ABR: variants seen among roughly 807,000 people sequenced by gnomAD.
ABR encodes the protein active breakpoint cluster region-related protein.
A neutral mutation model predicts 107.2 loss-of-function variants in ABR; 35 were observed. The observed-to-expected ratio is 0.33, with a 90% CI of 0.25 to 0.43. The LOEUF (loss-of-function observed/expected upper bound fraction) is 0.43. ABR is among the 20% of genes least tolerant of loss of function. The pLI is 1.00. For synonymous variants in ABR, 498 were observed against 462.0 expected, an observed-to-expected ratio of 1.08 and a Z score of -1.00; for missense variants, 815 against 1,115.2, an observed-to-expected ratio of 0.73 and a Z score of 3.83.
rs541610694 is a variant in ABR at position 1,193,749 on chromosome 17, G to A, written c.838+35044C>T. 7.2e-5 allele frequency among the ~76,000 whole-genome samples: 11 copies of A among 152,226 alleles called. No individual in the cohort carries two copies. The East Asian group carries it at 1.6e-3, about 21-fold the overall frequency. On this transcript the variant is annotated intron_variant, in intron 1 of 22. Coordinates refer to the ABR transcript ENST00000574139. ...CCCAGGCTGGAGTGTGGAGTGCAGT[G>A]GCACAATCTCGGCTCACTGCATCCT...
intron 1 of ABR, among the ~76,000 whole-genome samples, chr17:1,211,915 T>C (rs948334125): frequency 6.6e-6 from 1 of 151,850 alleles, no homozygotes; most frequent in African/African-American, 2.4e-5. Flanking sequence ...ACCCCGTCTC[T>C]ACTAAAAATA....
intron 2 of ABR, among the ~76,000 whole-genome samples, chr17:1,107,186 G>A (rs375897535): frequency 3.9e-5 from 6 of 152,224 alleles, no homozygotes; most frequent in South Asian, 2.1e-4. Flanking sequence ...CGGTGCTCAC[G>A]GGGACCCAGG....
chr17:1,129,410 T>C (rs1238921312), intron 1 of ABR, among the ~76,000 whole-genome samples: 2 of 151,888 alleles, frequency 1.3e-5, no homozygotes, highest in African/African-American at 4.8e-5. Flanking sequence ...TTGGCGCCTG[T>C]TGTCCCAGCT....
rs570118145 is a variant in ABR, at chr17:1,050,249, G to A, written c.1660-68C>T. The A allele has an allele frequency of 4.5e-6, 7 of 1,552,576 alleles. No individual in the cohort carries two copies. The highest frequency in any genetic ancestry group is 3.6e-5 in the South Asian group (3 of 83,168). On this transcript the variant is annotated intron_variant, in intron 15 of 22. Coordinates refer to ENST00000302538, the MANE Select transcript of ABR (RefSeq NM_021962.5). The surrounding 1 kb of genome is among the most constrained non-coding windows in gnomAD (Gnocchi z 4.6). Reference sequence around the variant, plus strand: ...GGAGGCCTGGCTTTCCGGCAGGTGCGTGCCTCAGCTTTGCAAGGAGGAGGG... The same window carrying A: ...GGAGGCCTGGCTTTCCGGCAGGTGCATGCCTCAGCTTTGCAAGGAGGAGGG...
intron 2 of ABR, among the ~76,000 whole-genome samples, chr17:1,120,339 T>C (rs1359348130): frequency 4.6e-5 from 7 of 152,238 alleles, no homozygotes; most frequent in Middle Eastern, 3.4e-3. Context: ...TGGCGTGATC[T>C]CAGCTCACTG....
intron 2 of ABR, among the ~76,000 whole-genome samples, chr17:1,110,389 C>A (rs555456030): frequency 6.6e-6 from 1 of 151,944 alleles, no homozygotes; most frequent in African/African-American, 2.4e-5. Flanking sequence ...GCCGGTGAAG[C>A]GAGCCAGGTA....
At chr17:1,042,758 T>A (rs902060226) in intron 16 of ABR, among the ~76,000 whole-genome samples, 3 of 150,280 alleles carry the variant, frequency 2.0e-5, no homozygotes, top group African/African-American at 7.4e-5. Context: ...CACGGACGGA[T>A]GGATGGATAA....
intron 14 of ABR, 147 bp downstream of exon 14, chr17:1,055,888 G>C: frequency 2.8e-6 from 2 of 710,956 alleles, no homozygotes; most frequent in South Asian, 1.7e-5. Flanking sequence ...CAAAGGCCAG[G>C]GGTGACCTCC....
At chr17:1,095,679 C>G (rs1161043450) in intron 3 of ABR, among the ~76,000 whole-genome samples, 1 of 152,228 alleles carries the variant, frequency 6.6e-6, no homozygotes, top group Non-Finnish European at 1.5e-5. Flanking sequence ...TCAACCCTGG[C>G]TCCCATACCA....
Position 1,056,024 on chromosome 17 carries a change from A to T in ABR, c.1561+11T>A. 6.2e-7 allele frequency: 1 copy of T among 1,613,258 alleles called. No individual in the cohort carries two copies. Among genetic ancestry groups the T allele is most frequent in the Non-Finnish European group, 8.5e-7 (1 of 1,179,168 alleles). On this transcript the variant is annotated intron_variant, in intron 14 of 22. Transcript: ENST00000302538. ...TGGCCCACCCAACCTCGTCCTGGCC[A>T]GGGCACTTACTGGCTGATTGCTTAA...
At chr17:1,021,555 C>T (rs1202915102) in intron 16 of ABR, among the ~76,000 whole-genome samples, 2 of 152,246 alleles carry the variant, frequency 1.3e-5, no homozygotes, top group African/African-American at 2.4e-5. Flanking sequence ...CCTGTCATCC[C>T]AGCACTTTGG....
chr17:1,050,980 T>A lies in ABR; in HGVS notation c.1562-346A>T, dbSNP rs939121333. ...CCTCCCTCTAAAGGGCCCTTGACTGTTCCGTCTCCACATCTTCCTCACCAT... is the reference window on the plus strand; with the variant it reads ...CCTCCCTCTAAAGGGCCCTTGACTGATCCGTCTCCACATCTTCCTCACCAT... On this transcript the variant is annotated intron_variant, in intron 14 of 22. Coordinates refer to ENST00000302538, the MANE Select transcript of ABR (RefSeq NM_021962.5). This position sits in a 1 kb window ranked among gnomAD's most constrained non-coding sequence, Gnocchi z 4.6. 6.6e-6 allele frequency among the ~76,000 whole-genome samples: 1 copy of A among 151,988 alleles called. No homozygotes were observed. Among genetic ancestry groups the A allele is most frequent in the African/African-American group, 2.4e-5 (1 of 41,372 alleles).
chr17:1,115,800 C>G (rs1425187662), intron 2 of ABR, among the ~76,000 whole-genome samples: 2 of 151,010 alleles, frequency 1.3e-5, no homozygotes, highest in Admixed American at 1.3e-4. Context: ...CTGGCGGGTG[C>G]CTGTAATCCC....
chr17:1,213,912 G>A (rs1461416204), intron 1 of ABR, among the ~76,000 whole-genome samples: 2 of 152,000 alleles, frequency 1.3e-5, no homozygotes, highest in Admixed American at 6.6e-5. Context: ...TTTTGAGACC[G>A]AGTCTCGCCC....
chr17:1,125,643 C>T, intron 1 of ABR: 1 of 353,918 alleles, frequency 2.8e-6, no homozygotes, highest in East Asian at 4.6e-5. Flanking sequence ...CCGCGTATTT[C>T]AAGCTGCTGT....
chr17:1,229,240 G>A (rs1310287558), exon 1 of ABR, among the ~76,000 whole-genome samples: 5 of 151,670 alleles, frequency 3.3e-5, no homozygotes, highest in African/African-American at 1.2e-4. Flanking sequence ...CGGAACCGCA[G>A]CTGGGGCTGC....
chr17:1,065,589 G>A (rs1262210491), intron 10 of ABR, among the ~76,000 whole-genome samples: 1 of 152,154 alleles, frequency 6.6e-6, no homozygotes, highest in Non-Finnish European at 1.5e-5. Context: ...TGAACTGAGG[G>A]CTATTCATGT....
At chr17:1,083,742 T>G in intron 4 of ABR, 115 bp from the exon 5 acceptor site, 1 of 838,088 alleles carries the variant, frequency 1.2e-6, no homozygotes, top group Admixed American at 1.9e-5. Flanking sequence ...AACCTCTCAC[T>G]CAGCTCGTTG....
intron 9 of ABR, among the ~76,000 whole-genome samples, chr17:1,069,621 G>A (rs932730639): frequency 2.1e-4 from 32 of 152,186 alleles, no homozygotes; most frequent in Non-Finnish European, 3.4e-4. Context: ...GCAGTGAGCC[G>A]AGATCGCACC....
Sources: gnomAD v4.1 joint callset for allele counts (sites outside exome capture counted in the v4.1 genomes callset) on GRCh38, gnomAD v4.1.1 for gene constraint, Gnocchi (gnomAD v3.1) non-coding constraint, MANE v1.5 for transcripts, NCBI Gene and HGNC (gene_info 2026-07-23, HGNC 2026-07-21) for gene names.